STMN3: variants seen among roughly 807,000 people sequenced by gnomAD.
STMN3 encodes the protein stathmin-3.
Under a neutral mutation model 23.2 loss-of-function variants are expected in STMN3, and 24 were observed. That is an observed-to-expected ratio of 1.03 (90% CI 0.75 to 1.45). The LOEUF (loss-of-function observed/expected upper bound fraction) is 1.45. Among genes scored for constraint, STMN3 ranks in the 40% most tolerant of loss-of-function variants. STMN3 has a pLI of 0.00. For missense variants in STMN3, 235 were observed against 237.6 expected (o/e 0.99, Z 0.07); for synonymous variants, 117 against 103.4 (o/e 1.13, Z -0.80).
In STMN3 at chr20:63,652,766, T is replaced by TG. The variant is rs1418612208; in HGVS notation, c.19+560dup. ...GGTGGTCCCCGAGGCCGCAGCGGTGTGGGGGGAGGGCGCGGTCCCCCTCAC... is the reference window on the plus strand; with the variant it reads ...GGTGGTCCCCGAGGCCGCAGCGGTGTGGGGGGGAGGGCGCGGTCCCCCTCAC... On this transcript the variant is annotated intron_variant, in intron 1 of 4. Transcript: ENST00000370053. The surrounding 1 kb of genome is among the most constrained non-coding windows in gnomAD (Gnocchi z 5.3). The TG allele has an allele frequency of 3.0e-6, 3 of 985,810 alleles. No homozygotes were observed. Among genetic ancestry groups the TG allele is most frequent in the Non-Finnish European group, 3.6e-6 (3 of 830,514 alleles). The allele number at this position is 985,810 out of a possible 1,614,324, so 61.1% of individuals were successfully genotyped here. A position where few individuals can be genotyped will look rare whatever the true frequency, so the allele number is the denominator to read the frequency against.
At chr20:63,642,347 C>T in intron 3 of STMN3, 48 bp from the exon 4 acceptor site, 1 of 1,331,862 alleles carries the variant, frequency 7.5e-7, no homozygotes, top group Non-Finnish European at 9.7e-7. Flanking sequence ...CGGGCCCTGC[C>T]CGGCCGGACT....
chr20:63,641,607 C>G (rs1327926102), intron 4 of STMN3, among the ~76,000 whole-genome samples: 1 of 152,198 alleles, frequency 6.6e-6, no homozygotes, highest in East Asian at 1.9e-4. Context: ...TGGGAGCTGG[C>G]TGGGCCCCGC....
chr20:63,644,433 C>T, intron 1 of STMN3, 124 bp from the exon 2 acceptor site: 1 of 701,306 alleles, frequency 1.4e-6, no homozygotes, highest in Non-Finnish European at 2.4e-6. Flanking sequence ...AGCACGCTCT[C>T]TTGTGTGTCT....
intron 1 of STMN3, among the ~76,000 whole-genome samples, chr20:63,649,729 A>G (rs2089842905): frequency 6.6e-6 from 1 of 151,090 alleles, no homozygotes; most frequent in Non-Finnish European, 1.5e-5. Context: ...ACGGGGTTTC[A>G]CTGTGTTAGC....
At chr20:63,643,656 G>A in intron 3 of STMN3, 100 bp downstream of exon 3, 3 of 1,428,432 alleles carry the variant, frequency 2.1e-6, no homozygotes, top group Non-Finnish European at 2.7e-6. Context: ...CCAAGGCACT[G>A]ACCAAGCCTG....
chr20:63,642,682 CTCTTCCTCGGACA>C (rs2089778623), intron 3 of STMN3, among the ~76,000 whole-genome samples: 1 of 152,252 alleles, frequency 6.6e-6, no homozygotes, highest in South Asian at 2.1e-4. Context: ...TGAGCTTTGT[CTCTTCCTCGGACA>C]TCCGCCCACT....
chr20:63,651,547 C>T (rs1190013366), intron 1 of STMN3, among the ~76,000 whole-genome samples: 1 of 152,186 alleles, frequency 6.6e-6, no homozygotes, highest in African/African-American at 2.4e-5. Flanking sequence ...ATGGCAGGAG[C>T]CACCAGCCGA....
intron 1 of STMN3, among the ~76,000 whole-genome samples, chr20:63,645,123 A>G (rs1489645635): frequency 6.7e-6 from 1 of 149,992 alleles, no homozygotes; most frequent in East Asian, 2.0e-4. Context: ...TGTCTTTCTG[A>G]CTCTTACCTC....
chr20:63,644,205 G>A lies in STMN3; in HGVS notation c.115+9C>T, dbSNP rs762539489. 3 of 1,611,846 alleles carry A rather than the reference G, an allele frequency of 1.9e-6. No homozygotes were observed. The South Asian group carries it at 3.3e-5, about 18-fold the overall frequency. ...CGCAGGGAAGGGCAGGCGGCAGCCA[G>A]GCACTCACCCCCGTACTGGTAGACG... On this transcript the variant is annotated intron_variant, in intron 2 of 4. Coordinates refer to ENST00000370053, the MANE Select transcript of STMN3 (RefSeq NM_015894.4).
At position 63,644,282 on chromosome 20, in the gene STMN3, G is replaced by C. The variant is rs1288582721; in HGVS notation, c.47C>G (p.Ser16Trp). 1 of 1,613,464 alleles carries C rather than the reference G, an allele frequency of 6.2e-7. No individual in the cohort carries two copies. The highest frequency in any genetic ancestry group is 1.7e-5 in the Admixed American group (1 of 59,966). Reference sequence around the variant, plus strand: ...GCAGGAGCAGATGAGCGACAGCACCGACAGCTCCTTCATCTTCTCCTTGTA... The same window carrying C: ...GCAGGAGCAGATGAGCGACAGCACCCACAGCTCCTTCATCTTCTCCTTGTA... ...SAYKEKMKEL[S>W]VLSLICSCFY... Residue 16 changes from serine (S) to tryptophan (W), a missense_variant, in exon 2 of 5, where the codon TCG becomes TGG. By Grantham distance (177) the Ser-to-Trp change is radical (BLOSUM62 -3). Transcript: ENST00000370053.
chr20:63,641,929 G>C (rs57667650), intron 4 of STMN3, among the ~76,000 whole-genome samples, 179 bp downstream of exon 4: 4 of 39,068 alleles, frequency 1.0e-4, no homozygotes, highest in East Asian at 3.8e-4. Flanking sequence ...CTCCGCCCCG[G>C]CCCCGCCCCG....
chr20:63,645,763 AC>A (rs2089804188), intron 1 of STMN3, among the ~76,000 whole-genome samples: 1 of 151,838 alleles, frequency 6.6e-6, no homozygotes, highest in African/African-American at 2.4e-5. Flanking sequence ...GACCAGCCTG[AC>A]CAACATGGTG....
In STMN3 at chr20:63,641,413, CG is replaced by C; in HGVS notation, c.484-17del. ...CGTGCAGCTCCTGCAGGACAGGGGG[CG>C]GGAGGGCCTGAGGGCGGGGGTGGCT... On this transcript the variant is annotated splice_polypyrimidine_tract_variant and intron_variant, in intron 4 of 4. Coordinates refer to ENST00000370053, the MANE Select transcript of STMN3 (RefSeq NM_015894.4). 1.3e-6 allele frequency: 2 copies of C among 1,497,314 alleles called. No individual in the cohort carries two copies. The highest frequency in any genetic ancestry group is 1.8e-6 in the Non-Finnish European group (2 of 1,104,448). 92.8% of individuals were successfully genotyped at this position (1,497,314 alleles called of 1,614,324 possible).
At chr20:63,645,348 G>A (rs1054532194) in intron 1 of STMN3, among the ~76,000 whole-genome samples, 1 of 152,126 alleles carries the variant, frequency 6.6e-6, no homozygotes, top group Non-Finnish European at 1.5e-5. Context: ...CCCTCTCCAG[G>A]CACATGCTCT....
chr20:63,650,775 T>C (rs1327881243), intron 1 of STMN3, among the ~76,000 whole-genome samples: 2 of 16,980 alleles, frequency 1.2e-4, no homozygotes, highest in African/African-American at 2.7e-4. Context: ...CCTCCCGCCG[T>C]CCAGGTGGAT....
chr20:63,644,359 T>C, intron 1 of STMN3, 50 bp from the exon 2 acceptor site: 1 of 1,458,240 alleles, frequency 6.9e-7, no homozygotes, highest in African/African-American at 1.4e-5. Context: ...CCTGCCCACC[T>C]GGGCCCCCGT....
chr20:63,639,816 G>A lies in STMN3; in HGVS notation c.*1522C>T, dbSNP rs1166931925. ...GCATATTACAGTAGGCTTTCGCTAT[G>A]AGCGCTGCCACCATGAGGAATATCC... is the stretch of plus-strand genomic sequence containing the variant. On this transcript the variant is annotated 3_prime_UTR_variant, in exon 5 of 5. Transcript: ENST00000370053. The A allele has an allele frequency of 2.0e-5, 3 of 152,362 alleles. No individual in the cohort carries two copies. The highest frequency in any genetic ancestry group is 3.7e-4 in the East Asian group (2 of 5,336). The allele number at this position is 152,362 out of a possible 1,614,324, so 9.4% of individuals were successfully genotyped here.
At chr20:63,643,598 T>A (rs1321254102) in intron 3 of STMN3, 158 bp downstream of exon 3, 1 of 981,140 alleles carries the variant, frequency 1.0e-6, no homozygotes, top group African/African-American at 1.8e-5. Flanking sequence ...ATCCCATTCT[T>A]ATCTCTCAGA....
Position 63,652,839 on chromosome 20 carries a change from C to T in STMN3, c.19+488G>A. On this transcript the variant is annotated intron_variant, in intron 1 of 4. Transcript: ENST00000370053. This position sits in a 1 kb window ranked among gnomAD's most constrained non-coding sequence, Gnocchi z 5.3. ...CCGCCCCCCTCCTTCAGCGCCCCCTCCAGCCCCTGTGCTGCACTGGCGCGG... is the reference window on the plus strand; with the variant it reads ...CCGCCCCCCTCCTTCAGCGCCCCCTTCAGCCCCTGTGCTGCACTGGCGCGG... 1.0e-6 allele frequency: 1 copy of T among 968,112 alleles called. No homozygotes were observed. The highest frequency in any genetic ancestry group is 1.2e-6 in the Non-Finnish European group (1 of 814,070). 60.0% of individuals were successfully genotyped at this position (968,112 alleles called of 1,614,324 possible).
Sources: allele counts gnomAD v4.1 joint callset (sites outside exome capture counted in the v4.1 genomes callset), GRCh38; gene constraint gnomAD v4.1.1; non-coding constraint Gnocchi (gnomAD v3.1); transcripts MANE v1.5; gene names NCBI Gene and HGNC (gene_info 2026-07-23, HGNC 2026-07-21).